Variants in CHD1 observed in about 807,000 individuals in gnomAD.
CHD1 encodes the protein ATP-dependent chromatin remodeler CHD1.
Under a neutral mutation model 224.2 loss-of-function variants are expected in CHD1, and 36 were observed. The ratio of observed to expected loss-of-function variants is 0.16; its 90% CI spans 0.12 to 0.21. The LOEUF is 0.21. CHD1 is among the 10% of genes least tolerant of loss of function. The probability of loss-of-function intolerance (pLI) is 1.00; values close to 1 mark genes in which losing one functional copy is unlikely to be tolerated. For missense variants in CHD1, 1,378 were observed against 1,994.8 expected, an observed-to-expected ratio of 0.69 and a Z score of 5.89; for synonymous variants, 668 against 658.3, an observed-to-expected ratio of 1.01 and a Z score of -0.23.
At chr5:98,923,089 A>G (rs1405987397) in intron 2 of CHD1, among the ~76,000 whole-genome samples, 1 of 152,234 alleles carries the variant, frequency 6.6e-6, no homozygotes, top group Non-Finnish European at 1.5e-5. Context: ...TCACCTCCTC[A>G]GTCTTTTAAC....
In CHD1 at chr5:98,855,145, G is replaced by C. The variant is rs997432115; in HGVS notation, c.*1235C>G. On this transcript the variant is annotated 3_prime_UTR_variant, in exon 36 of 36. Transcript: ENST00000614616. ...AAAAACGGGGGTAGGGGGCGGTGGT[G>C]GTGGTGGTAAGTGCTTGAGGGAGTA... is the stretch of plus-strand genomic sequence containing the variant. The C allele has an allele frequency of 6.6e-6, 1 of 152,582 alleles. No individual in the cohort carries two copies. Among genetic ancestry groups the C allele is most frequent in the Non-Finnish European group, 1.5e-5 (1 of 68,148 alleles). 9.5% of individuals were successfully genotyped at this position (152,582 alleles called of 1,614,324 possible).
At chr5:98,924,276 T>A in intron 2 of CHD1, among the ~76,000 whole-genome samples, 1 of 151,602 alleles carries the variant, frequency 6.6e-6, no homozygotes, top group South Asian at 2.1e-4. Context: ...AAAAAAAAAA[T>A]TGTGGGTGGA....
chr5:98,866,206 TA>T (rs1404598734), intron 31 of CHD1, among the ~76,000 whole-genome samples: 2 of 151,802 alleles, frequency 1.3e-5, no homozygotes, highest in African/African-American at 2.4e-5. Context: ...GAGATAAAAA[TA>T]AAAGTCCAGA....
rs556779528 is a variant in CHD1 at position 98,916,589 on chromosome 5, T to A, written c.53+9745A>T. Among the ~76,000 whole-genome samples the A allele has an allele frequency of 2.5e-4, 38 of 149,518 alleles. No homozygotes were observed. The South Asian group carries it at 8.0e-3, about 32-fold the overall frequency. ...AAAAAAAGGTTTAAAAATATTTATA[T>A]GCTTTTAAATTACTTTAATGAATAC... On this transcript the variant is annotated intron_variant, in intron 2 of 35. Transcript: ENST00000614616.
rs1383807051 is a variant in CHD1, at chr5:98,868,706, C to G, written c.4108-71G>C. 3 of 1,339,422 alleles carry G rather than the reference C, an allele frequency of 2.2e-6. No homozygotes were observed. The East Asian group carries it at 7.4e-5, about 33-fold the overall frequency. 83.0% of individuals were successfully genotyped at this position (1,339,422 alleles called of 1,614,324 possible). A position where few individuals can be genotyped will look rare whatever the true frequency, so the allele number is the denominator to read the frequency against. On this transcript the variant is annotated intron_variant, in intron 30 of 35. Coordinates refer to ENST00000614616, the MANE Select transcript of CHD1 (RefSeq NM_001270.4). ...ACAAAGGCAAAATGACTAACACTTC[C>G]AGAAAATAATTACTGTCTCATTTTA...
chr5:98,924,566 G>C (rs551436400), intron 2 of CHD1, among the ~76,000 whole-genome samples: 2 of 152,318 alleles, frequency 1.3e-5, no homozygotes, highest in African/African-American at 4.8e-5. Flanking sequence ...ACTTGTTCAA[G>C]TAATAATGCT....
chr5:98,884,074 T>C (rs1316125558), intron 18 of CHD1, among the ~76,000 whole-genome samples: 4 of 147,924 alleles, frequency 2.7e-5, no homozygotes, highest in Middle Eastern at 3.5e-3. Context: ...ACTCTTTGTT[T>C]TTTGTTTTTT....
chr5:98,919,918 A>G (rs1752979009), intron 2 of CHD1, among the ~76,000 whole-genome samples: 1 of 152,134 alleles, frequency 6.6e-6, no homozygotes, highest in Non-Finnish European at 1.5e-5. Flanking sequence ...CCATTCTCCA[A>G]AAAAATGGAA....
Position 98,856,411 on chromosome 5 carries a change from G to T in CHD1, c.5102C>A (p.Pro1701Gln), listed in dbSNP as rs755428560. 2 of 1,613,342 alleles carry T rather than the reference G, an allele frequency of 1.2e-6. No individual in the cohort carries two copies. ...TTTCCGACTACTCCAGGTATGCTCC[G>T]GTGTACTTTTGTGTTCAACTGAATG... ...FEHSVEHKST[P>Q]EHTWSSRKT The change falls in exon 36 of 36, where the codon CCG (proline) becomes CAG (glutamine). Residue 1701 changes from proline to glutamine, a missense_variant. By Grantham distance (76) the Pro-to-Gln change is moderately conservative. Transcript: ENST00000614616.
rs142796969 is a variant in CHD1 at position 98,856,292 on chromosome 5, A to G, written c.*88T>C. The G allele has an allele frequency of 1.7e-4, 155 of 907,646 alleles. No individual in the cohort carries two copies. In the African/African-American group the frequency reaches 2.3e-3, roughly 13 times the overall value. The allele number at this position is 907,646 out of a possible 1,614,324, so 56.2% of individuals were successfully genotyped here. A position where few individuals can be genotyped will look rare whatever the true frequency, so the allele number is the denominator to read the frequency against. On this transcript the variant is annotated 3_prime_UTR_variant, in exon 36 of 36. Transcript: ENST00000614616. ...TGCTACTGATAGAAGATCTGTTTAT[A>G]TCTTTCAAGTCATGTAAGGCAATTA... is the stretch of plus-strand genomic sequence containing the variant.
chr5:98,883,053 A>G (rs1296241566), intron 19 of CHD1, 35 bp downstream of exon 19: 7 of 1,283,348 alleles, frequency 5.5e-6, no homozygotes, highest in Non-Finnish European at 6.1e-6. Context: ...AGAATTCTAA[A>G]ACAGCAATAT....
intron 32 of CHD1, chr5:98,860,292 G>A (rs1451974544): frequency 1.0e-5 from 5 of 483,678 alleles, no homozygotes; most frequent in South Asian, 3.5e-5. Flanking sequence ...CTTCCAAATC[G>A]CTTCATTTTA....
intron 11 of CHD1, among the ~76,000 whole-genome samples, chr5:98,896,711 A>G (rs1751362544): frequency 6.6e-6 from 1 of 152,064 alleles, no homozygotes; most frequent in Non-Finnish European, 1.5e-5. Flanking sequence ...TCAATTATGA[A>G]GCCAATAATG....
rs375820530 is a variant in CHD1, at chr5:98,901,004, T to C, written c.666A>G (p.Glu222=). ...TTCTTTTATCATTATCATAATCTTCTTCATCATCATCCTCCTCAGATGAAT... is the reference window on the plus strand; with the variant it reads ...TTCTTTTATCATTATCATAATCTTCCTCATCATCATCCTCCTCAGATGAAT... ...QIDSSEEDDD[E]EDYDNDKRSS... Residue 222 remains glutamate (E), a synonymous_variant, in exon 7 of 36, where the codon GAA becomes GAG. Coordinates refer to ENST00000614616, the MANE Select transcript of CHD1 (RefSeq NM_001270.4). 1.8e-5 allele frequency: 29 copies of C among 1,613,768 alleles called. No homozygotes were observed. The highest frequency in any genetic ancestry group is 2.5e-5 in the Non-Finnish European group (29 of 1,179,852).
chr5:98,861,527 A>G (rs1304583186), intron 32 of CHD1, among the ~76,000 whole-genome samples: 1 of 152,156 alleles, frequency 6.6e-6, no homozygotes, highest in Admixed American at 6.5e-5. Context: ...TTAGATCTCT[A>G]TCTTCTTTCA....
chr5:98,859,301 C>A (rs1431310394), intron 33 of CHD1, among the ~76,000 whole-genome samples: 2 of 152,006 alleles, frequency 1.3e-5, no homozygotes, highest in Admixed American at 1.3e-4. Context: ...ATGTTAATAT[C>A]TTATACAAAC....
chr5:98,879,798 G>A, intron 22 of CHD1, 70 bp from the exon 23 acceptor site: 10 of 938,438 alleles, frequency 1.1e-5, no homozygotes, highest in Non-Finnish European at 1.1e-5. Context: ...TTTTTAAGGG[G>A]AAGAACTGGC....
At chr5:98,893,245 T>C (rs933103454) in intron 14 of CHD1, among the ~76,000 whole-genome samples, 171 bp downstream of exon 14, 1 of 152,206 alleles carries the variant, frequency 6.6e-6, no homozygotes, top group African/African-American at 2.4e-5. Flanking sequence ...ATTGAAAAAT[T>C]CAAATAGTAT....
At position 98,872,568 on chromosome 5, in the gene CHD1, T is replaced by G. The variant is rs748184405; in HGVS notation, c.3572-13A>C. On this transcript the variant is annotated splice_polypyrimidine_tract_variant and intron_variant, in intron 26 of 35. Coordinates refer to ENST00000614616, the MANE Select transcript of CHD1 (RefSeq NM_001270.4). ...CCGAGTCTACCACCTTGATTTTTTT[T>G]AAAAAAACCAGTATTTTTAAAAGTA... is the stretch of plus-strand genomic sequence containing the variant. The G allele has an allele frequency of 6.2e-7, 1 of 1,608,372 alleles. No individual in the cohort carries two copies. Among genetic ancestry groups the G allele is most frequent in the South Asian group, 1.1e-5 (1 of 90,022 alleles).
Sources: allele counts gnomAD v4.1 joint callset (sites outside exome capture counted in the v4.1 genomes callset), GRCh38; gene constraint gnomAD v4.1.1; transcripts MANE v1.5; gene names NCBI Gene and HGNC (gene_info 2026-07-23, HGNC 2026-07-21).